The following PTPRE variants were observed in gnomAD, a reference collection of about 807,000 sequenced individuals.
PTPRE encodes the protein protein tyrosine phosphatase receptor type E.
Under a neutral mutation model 102.0 loss-of-function variants are expected in PTPRE, and 51 were observed. That is an observed-to-expected ratio of 0.50 (90% CI 0.40 to 0.63). The LOEUF is 0.63. Ranked by LOEUF, PTPRE falls within the 30% of genes least tolerant of loss-of-function variation. PTPRE has a pLI of 0.00. For synonymous variants in PTPRE, 345 were observed against 348.2 expected (o/e 0.99, Z 0.10); for missense variants, 752 against 915.1 (o/e 0.82, Z 2.30).
chr10:127,999,606 T>G (rs940547845), intron 2 of PTPRE: 4 of 985,358 alleles, frequency 4.1e-6, no homozygotes, highest in Admixed American at 6.1e-5. Context: ...GCAGCTACAC[T>G]GGATTATATG....
At chr10:128,003,349 T>A (rs532011323) in intron 2 of PTPRE, among the ~76,000 whole-genome samples, 3 of 152,228 alleles carry the variant, frequency 2.0e-5, no homozygotes, top group South Asian at 4.1e-4. Flanking sequence ...GAAAAAAAAA[T>A]TTAAGTCAGC....
intron 5 of PTPRE, among the ~76,000 whole-genome samples, chr10:128,048,980 A>G (rs913480612): frequency 2.6e-5 from 4 of 152,130 alleles, no homozygotes; most frequent in African/African-American, 9.7e-5. Flanking sequence ...ACTCCCTTAT[A>G]ACGCGTACTT....
chr10:128,045,027 G>A (rs1847979484), intron 3 of PTPRE, among the ~76,000 whole-genome samples: 1 of 152,250 alleles, frequency 6.6e-6, no homozygotes, highest in South Asian at 2.1e-4. Flanking sequence ...GCAGGACATG[G>A]GGAGTCCCAA....
intron 15 of PTPRE, chr10:128,071,165 C>G (rs1259386227): frequency 2.0e-5 from 10 of 489,202 alleles, no homozygotes; most frequent in Admixed American, 3.7e-5. Context: ...GGGAGGGCAG[C>G]CGAGGCTGAT....
rs537756567 is a variant in PTPRE, at chr10:127,980,041, G to T, written c.-30-2233G>T. 4.6e-5 allele frequency among the ~76,000 whole-genome samples: 7 copies of T among 152,132 alleles called. No individual in the cohort carries two copies. The South Asian group carries it at 1.5e-3, about 32-fold the overall frequency. ...TTTAGCATCTTTTCTGGTTCATTTT[G>T]GGGAGTGGAAAGGATGGACTCTTGT... On this transcript the variant is annotated intron_variant, in intron 1 of 20. Coordinates refer to ENST00000254667, the MANE Select transcript of PTPRE (RefSeq NM_006504.6).
At chr10:128,009,035 C>T (rs1218772586) in intron 2 of PTPRE, among the ~76,000 whole-genome samples, 1 of 152,178 alleles carries the variant, frequency 6.6e-6, no homozygotes, top group Non-Finnish European at 1.5e-5. Context: ...CCTGGAGGCC[C>T]GGCCAGCTAC....
At position 127,961,413 on chromosome 10, in the gene PTPRE, G is replaced by A. The variant is rs376772283; in HGVS notation, c.-30-20861G>A. Among the ~76,000 whole-genome samples, 12 of 152,202 alleles carry A rather than the reference G, an allele frequency of 7.9e-5. No homozygotes were observed. In the South Asian group the frequency reaches 2.5e-3, roughly 32 times the overall value. On this transcript the variant is annotated intron_variant, in intron 1 of 20. Transcript: ENST00000254667. ...CCTTCTTTAGAAGCTTCTCTCTGGG[G>A]CAGGGTGGGGGTGGGAGAGGAAACG...
chr10:127,983,637 T>G (rs1851820921), intron 2 of PTPRE, among the ~76,000 whole-genome samples: 2 of 152,208 alleles, frequency 1.3e-5, no homozygotes, highest in South Asian at 4.1e-4. Context: ...GAATGAAATA[T>G]TTGAGTGTCA....
In PTPRE at chr10:128,058,266, C is replaced by T. The variant is rs142918179; in HGVS notation, c.511+2053C>T. On this transcript the variant is annotated intron_variant, in intron 7 of 20. Coordinates refer to ENST00000254667, the MANE Select transcript of PTPRE (RefSeq NM_006504.6). Reference sequence around the variant, plus strand: ...TGGGAGTCCCCCACCTGGAAGAGGCCGGGCCCACCCACTGCAAGTCTTCTC... The same window carrying T: ...TGGGAGTCCCCCACCTGGAAGAGGCTGGGCCCACCCACTGCAAGTCTTCTC... 1.3e-3 allele frequency among the ~76,000 whole-genome samples: 200 copies of T among 152,314 alleles called. 1 individual carries two copies. Among genetic ancestry groups the T allele is most frequent in the African/African-American group, 4.6e-3 (193 of 41,562 alleles).
chr10:128,027,740 C>T (rs1194211058), intron 2 of PTPRE, among the ~76,000 whole-genome samples: 1 of 152,206 alleles, frequency 6.6e-6, no homozygotes, highest in South Asian at 2.1e-4. Context: ...CCCGAAAAAG[C>T]AGGCTGAGCT....
intron 1 of PTPRE, among the ~76,000 whole-genome samples, chr10:127,913,226 C>T (rs557787292): frequency 5.9e-5 from 9 of 152,228 alleles, no homozygotes; most frequent in Non-Finnish European, 1.2e-4. Flanking sequence ...CCCAGGGGAC[C>T]GGAATCAAAG....
Position 127,983,033 on chromosome 10 carries a change from G to A in PTPRE, c.-8+737G>A, listed in dbSNP as rs145608085. ...TGCTTTTAGCGGGCACCATGATACC[G>A]GTCACCAGGAAGCTGTATTTCCTAA... is the stretch of plus-strand genomic sequence containing the variant. On this transcript the variant is annotated intron_variant, in intron 2 of 20. Coordinates refer to ENST00000254667, the MANE Select transcript of PTPRE (RefSeq NM_006504.6). 5.5e-3 allele frequency among the ~76,000 whole-genome samples: 838 copies of A among 152,298 alleles called. 10 individuals are homozygous for A. Among genetic ancestry groups the A allele is most frequent in the African/African-American group, 0.018 (763 of 41,564 alleles).
chr10:127,909,833 T>C (rs572983801), intron 1 of PTPRE, among the ~76,000 whole-genome samples: 1 of 152,152 alleles, frequency 6.6e-6, no homozygotes, highest in Non-Finnish European at 1.5e-5. Flanking sequence ...GCGTGGATGT[T>C]GTATGGTTGA....
chr10:128,024,282 T>C (rs947634294), intron 2 of PTPRE, among the ~76,000 whole-genome samples: 1 of 152,234 alleles, frequency 6.6e-6, no homozygotes, highest in Non-Finnish European at 1.5e-5. Flanking sequence ...ATATAGTCCA[T>C]TCTGTCTTAT....
At chr10:128,054,685 GC>G (rs1848811256) in intron 6 of PTPRE, among the ~76,000 whole-genome samples, 1 of 151,932 alleles carries the variant, frequency 6.6e-6, no homozygotes, top group South Asian at 2.1e-4. Flanking sequence ...GGCCTACGGT[GC>G]CCCACCATGA....
rs535129717 is a variant in PTPRE, at chr10:127,947,931, A to G, written c.-30-34343A>G. ...CCACCCTAATTAGAGGGGTTGAGCC[A>G]ACCCCCCAATAAATACCTTCTCATG... On this transcript the variant is annotated intron_variant, in intron 1 of 20. Coordinates refer to ENST00000254667, the MANE Select transcript of PTPRE (RefSeq NM_006504.6). 2.1e-3 allele frequency among the ~76,000 whole-genome samples: 323 copies of G among 152,314 alleles called. 3 individuals are homozygous for G. The highest frequency in any genetic ancestry group is 7.4e-3 in the African/African-American group (308 of 41,570).
intron 19 of PTPRE, 21 bp from the exon 20 acceptor site, chr10:128,079,539 T>C: frequency 6.2e-7 from 1 of 1,612,438 alleles, no homozygotes; most frequent in Non-Finnish European, 8.5e-7. Context: ...ATGATCTGCA[T>C]TAAGCGCTTT....
intron 2 of PTPRE, among the ~76,000 whole-genome samples, chr10:128,039,977 G>T (rs1847537603): frequency 6.6e-6 from 1 of 151,978 alleles, no homozygotes; most frequent in African/African-American, 2.4e-5. Context: ...AAGATCTGAG[G>T]TGATGGCCCA....
At chr10:128,074,113 C>A (rs1286527320) in intron 17 of PTPRE, among the ~76,000 whole-genome samples, 1 of 152,202 alleles carries the variant, frequency 6.6e-6, no homozygotes, top group East Asian at 1.9e-4. Flanking sequence ...CCCCTGGCAA[C>A]CACTAATCTG....
Sources: allele counts gnomAD v4.1 joint callset (sites outside exome capture counted in the v4.1 genomes callset), GRCh38; gene constraint gnomAD v4.1.1; transcripts MANE v1.5; gene names NCBI Gene and HGNC (gene_info 2026-07-23, HGNC 2026-07-21).